Variants in PDGFRA observed in about 807,000 individuals in gnomAD.
The protein encoded by PDGFRA is platelet-derived growth factor receptor alpha.
In PDGFRA, 25 loss-of-function variants were observed where a neutral mutation model predicts 121.5. That is an observed-to-expected ratio of 0.21 (90% CI 0.15 to 0.29). PDGFRA has a LOEUF of 0.29. PDGFRA is among the 10% of genes least tolerant of loss of function. The pLI is 1.00. For synonymous variants in PDGFRA, 463 were observed against 494.8 expected, an observed-to-expected ratio of 0.94 and a Z score of 0.85; for missense variants, 1,008 against 1,345.1, an observed-to-expected ratio of 0.75 and a Z score of 3.92.
intron 1 of PDGFRA, among the ~76,000 whole-genome samples, chr4:54,233,370 C>G (rs1720810204): frequency 6.6e-6 from 1 of 152,240 alleles, no homozygotes; most frequent in Non-Finnish European, 1.5e-5. Context: ...CGGGCGAAGT[C>G]TGCGCGCAGC....
chr4:54,290,767 G>GTTGTGGGGAGAGGGATGTGCATA (rs1304139521), intron 22 of PDGFRA, among the ~76,000 whole-genome samples: 1 of 152,198 alleles, frequency 6.6e-6, no homozygotes, highest in African/African-American at 2.4e-5. Flanking sequence ...GGATGTGCAT[G>GTTGTGGGGAGAGGGATGTGCATA]TTGTGGGGAG....
intron 16 of PDGFRA, chr4:54,281,452 C>A: frequency 2.2e-6 from 1 of 456,726 alleles, no homozygotes. Flanking sequence ...GTTCCAAGTT[C>A]CATTCACTTC....
intron 1 of PDGFRA, among the ~76,000 whole-genome samples, chr4:54,254,798 C>G (rs1455870989): frequency 6.6e-6 from 1 of 152,178 alleles, no homozygotes; most frequent in Non-Finnish European, 1.5e-5. Context: ...AACACCAGCC[C>G]TGCATCCCAG....
At chr4:54,250,581 CTTA>C (rs1722000166) in intron 1 of PDGFRA, among the ~76,000 whole-genome samples, 1 of 152,170 alleles carries the variant, frequency 6.6e-6, no homozygotes, top group African/African-American at 2.4e-5. Context: ...AATTATAGTT[CTTA>C]TGTTACATTA....
chr4:54,249,926 G>A (rs1445520848), intron 1 of PDGFRA, among the ~76,000 whole-genome samples: 2 of 152,068 alleles, frequency 1.3e-5, no homozygotes, highest in African/African-American at 4.8e-5. Flanking sequence ...AAATTGTAAA[G>A]GGTTTAAAAG....
At chr4:54,233,429 T>TAGCTGGCGAGCC (rs1194603814) in intron 1 of PDGFRA, among the ~76,000 whole-genome samples, 1 of 152,102 alleles carries the variant, frequency 6.6e-6, no homozygotes, top group South Asian at 2.1e-4. Flanking sequence ...GCGGGCGAGC[T>TAGCTGGCGAGCC]AGCTGGCGAG....
chr4:54,278,160 A>T lies in PDGFRA; in HGVS notation c.2002+154A>T, dbSNP rs1723845516. ...CTGACTGGTCCCTTGAATTGATGGA[A>T]GCTCATTGGTTTTTGAGCAAAATCT... On this transcript the variant is annotated intron_variant, in intron 14 of 22. Coordinates refer to ENST00000257290, the MANE Select transcript of PDGFRA (RefSeq NM_006206.6). 5.6e-6 allele frequency: 4 copies of T among 713,954 alleles called. No homozygotes were observed. In the East Asian group the frequency reaches 1.1e-4, roughly 19 times the overall value. 44.2% of individuals were successfully genotyped at this position (713,954 alleles called of 1,614,324 possible).
chr4:54,285,299 T>C (rs1724281974), intron 16 of PDGFRA, 72 bp from the exon 17 acceptor site: 3 of 779,674 alleles, frequency 3.8e-6, no homozygotes, highest in Admixed American at 1.7e-5. Flanking sequence ...ATGTGTTCTT[T>C]GGGCATGCCT....
At chr4:54,239,237 C>T (rs183369220) in intron 1 of PDGFRA, among the ~76,000 whole-genome samples, 1 of 152,328 alleles carries the variant, frequency 6.6e-6, no homozygotes, top group East Asian at 1.9e-4. Flanking sequence ...ATTACCTGTC[C>T]CTTTCAGGGA....
At chr4:54,260,760 A>C (rs1415012615) in intron 2 of PDGFRA, among the ~76,000 whole-genome samples, 1 of 152,062 alleles carries the variant, frequency 6.6e-6, no homozygotes, top group Non-Finnish European at 1.5e-5. Context: ...AACCATAAAG[A>C]ACCCATATGT....
intron 16 of PDGFRA, among the ~76,000 whole-genome samples, chr4:54,283,165 G>T (rs1190011672): frequency 6.6e-6 from 1 of 152,224 alleles, no homozygotes; most frequent in Non-Finnish European, 1.5e-5. Flanking sequence ...CAGTGCCCCA[G>T]TGGAGACTCT....
Position 54,257,358 on chromosome 4 carries a change from C to G in PDGFRA, c.-12-1399C>G, listed in dbSNP as rs61114027. Among the ~76,000 whole-genome samples the G allele has an allele frequency of 7.0e-3, 1,059 of 152,338 alleles. 9 individuals carry two copies. Among genetic ancestry groups the G allele is most frequent in the African/African-American group, 0.024 (998 of 41,564 alleles). On this transcript the variant is annotated intron_variant, in intron 1 of 22. Transcript: ENST00000257290. ...ATAACCATAAGTATACTCAGTTAAG[C>G]AGCGTGGCTGTTCTGCCTATGGAGT... is the stretch of plus-strand genomic sequence containing the variant.
At chr4:54,246,729 A>G (rs560558229) in intron 1 of PDGFRA, among the ~76,000 whole-genome samples, 2,145 of 151,978 alleles carry the variant, frequency 0.014, 46 homozygotes, top group African/African-American at 0.049. Flanking sequence ...AGCAGAACTG[A>G]AGGAAATAGA....
chr4:54,289,309 G>C (rs1210690333), intron 21 of PDGFRA, among the ~76,000 whole-genome samples, 195 bp downstream of exon 21: 1 of 152,166 alleles, frequency 6.6e-6, no homozygotes, highest in Non-Finnish European at 1.5e-5. Context: ...TTCCCGTGGG[G>C]CTTTCCTTTC....
In PDGFRA at chr4:54,278,529, G is replaced by C. The variant is rs777217315; in HGVS notation, c.2156+14G>C. ...AAGCACACGGAGGTGGGTGCAAAGAGAGATGTTGCTGTCTATCATTATCTT... is the reference window on the plus strand; with the variant it reads ...AAGCACACGGAGGTGGGTGCAAAGACAGATGTTGCTGTCTATCATTATCTT... On this transcript the variant is annotated intron_variant, in intron 15 of 22. Transcript: ENST00000257290. 3.7e-6 allele frequency: 6 copies of C among 1,612,182 alleles called. No homozygotes were observed. In the Admixed American group the frequency reaches 6.7e-5, roughly 18 times the overall value.
chr4:54,234,176 G>GGTGATGGGGATA (rs546796852), intron 1 of PDGFRA, among the ~76,000 whole-genome samples: 10 of 152,332 alleles, frequency 6.6e-5, no homozygotes, highest in African/African-American at 2.4e-4. Context: ...TGATGGGGAT[G>GGTGATGGGGATA]ATGATGGGGA....
At position 54,270,681 on chromosome 4, in the gene PDGFRA, C is replaced by A. The variant is rs1050708855; in HGVS notation, c.1170C>A (p.Gly390=). 6.2e-7 allele frequency: 1 copy of A among 1,612,202 alleles called. No individual in the cohort carries two copies. The highest frequency in any genetic ancestry group is 1.7e-5 in the Admixed American group (1 of 60,016). The change falls in exon 8 of 23, where the codon GGC becomes GGA. Residue 390 remains glycine (G), a synonymous_variant. Coordinates refer to ENST00000257290, the MANE Select transcript of PDGFRA (RefSeq NM_006206.6). ...TCCGTGCTAAGGAAGAAGACAGTGGCCATTATACTATTGTAGCTCAAAATG... is the reference window on the plus strand; with the variant it reads ...TCCGTGCTAAGGAAGAAGACAGTGGACATTATACTATTGTAGCTCAAAATG... ...KLIRAKEEDS[G]HYTIVAQNED...
At chr4:54,272,623 T>C in intron 9 of PDGFRA, 103 bp downstream of exon 9, 1 of 1,306,526 alleles carries the variant, frequency 7.7e-7, no homozygotes, top group Non-Finnish European at 1.1e-6. Context: ...AGATAGGGTT[T>C]TGGGTGTGAT....
At chr4:54,277,225 G>A in intron 12 of PDGFRA, 163 bp from the exon 13 acceptor site, 3 of 691,302 alleles carry the variant, frequency 4.3e-6, no homozygotes, top group Non-Finnish European at 8.0e-6. Flanking sequence ...TTCCCTGTGG[G>A]CTCAATTCCT....
Sources: gnomAD v4.1 joint callset for allele counts (sites outside exome capture counted in the v4.1 genomes callset) on GRCh38, gnomAD v4.1.1 for gene constraint, MANE v1.5 for transcripts, NCBI Gene and HGNC (gene_info 2026-07-23, HGNC 2026-07-21) for gene names.